WDR91: variants seen among roughly 807,000 people sequenced by gnomAD.
The protein encoded by WDR91 is WD repeat-containing protein 91.
Under a neutral mutation model 88.4 loss-of-function variants are expected in WDR91, and 52 were observed. The ratio of observed to expected loss-of-function variants is 0.59; its 90% CI spans 0.47 to 0.74. WDR91 has a LOEUF of 0.74. WDR91 is among the 30% of genes least tolerant of loss of function. The pLI is 0.00. For missense variants in WDR91, 824 were observed against 954.5 expected, an observed-to-expected ratio of 0.86 and a Z score of 1.80; for synonymous variants, 362 against 389.5, an observed-to-expected ratio of 0.93 and a Z score of 0.83.
chr7:135,186,013 A>T lies in WDR91; in HGVS notation c.*138T>A. 4 of 1,009,104 alleles carry T rather than the reference A, an allele frequency of 4.0e-6. No homozygotes were observed. The highest frequency in any genetic ancestry group is 5.5e-6 in the Non-Finnish European group (4 of 727,208). The allele number at this position is 1,009,104 out of a possible 1,614,324, so 62.5% of individuals were successfully genotyped here. ...CAGTCACCACAGATGGAAGCACCTGAGCCTCCTTGCCAGTCTTTCCCTGCA... is the reference window on the plus strand; with the variant it reads ...CAGTCACCACAGATGGAAGCACCTGTGCCTCCTTGCCAGTCTTTCCCTGCA... On this transcript the variant is annotated 3_prime_UTR_variant, in exon 15 of 15. Coordinates refer to ENST00000354475, the MANE Select transcript of WDR91 (RefSeq NM_014149.4).
At position 135,209,094 on chromosome 7, in the gene WDR91, A is replaced by C; in HGVS notation, c.304-96T>G. 4 of 1,038,194 alleles carry C rather than the reference A, an allele frequency of 3.9e-6. No individual in the cohort carries two copies. The South Asian group carries it at 7.2e-5, about 19-fold the overall frequency. The allele number at this position is 1,038,194 out of a possible 1,614,324, so 64.3% of individuals were successfully genotyped here. ...GCACAGCAGACAACCTTTGACTATC[A>C]GCCTGCCAGGTAAGTGGCAAAATAA... On this transcript the variant is annotated intron_variant, in intron 2 of 14. Transcript: ENST00000354475.
At position 135,195,164 on chromosome 7, in the gene WDR91, T is replaced by G. The variant is rs1363255687; in HGVS notation, c.1245-80A>C. On this transcript the variant is annotated intron_variant, in intron 8 of 14. Transcript: ENST00000354475. ...TCTGCTAATGCCAAGATGATCACTT[T>G]CCTGACTTCCTTACTGTTTTAAAAA... 8.9e-6 allele frequency: 13 copies of G among 1,458,530 alleles called. No individual in the cohort carries two copies. The East Asian group carries it at 2.6e-4, about 30-fold the overall frequency. 90.3% of individuals were successfully genotyped at this position (1,458,530 alleles called of 1,614,324 possible).
At chr7:135,211,276 C>T in intron 1 of WDR91, 104 bp downstream of exon 1, 1 of 1,453,400 alleles carries the variant, frequency 6.9e-7, no homozygotes, top group Non-Finnish European at 9.0e-7. Flanking sequence ...CGCCCCGGCG[C>T]GAGTGACAGC....
intron 12 of WDR91, 49 bp downstream of exon 12, chr7:135,189,295 C>T: frequency 6.4e-7 from 1 of 1,554,886 alleles, no homozygotes; most frequent in Non-Finnish European, 8.8e-7. Context: ...AAAAAAATTG[C>T]CTGGGAAATC....
intron 3 of WDR91, among the ~76,000 whole-genome samples, chr7:135,207,722 GAAC>G (rs1363425153): frequency 6.6e-6 from 1 of 152,240 alleles, no homozygotes; most frequent in Admixed American, 6.5e-5. Context: ...GCCACCCCAA[GAAC>G]AACGACAGTC....
chr7:135,204,344 C>T lies in WDR91; in HGVS notation c.815G>A (p.Ser272Asn). ...CTGAGCAGGCGACAACCTTGAGGGG[C>T]TCTTCTTACTCTGAGGCAGCAGCGA... ...LSSLLPQSKKSPSRLSPAQGP... is the reference protein window; with the variant it reads ...LSSLLPQSKKNPSRLSPAQGP... Residue 272 changes from serine to asparagine, a missense_variant, in exon 6 of 15, where the codon AGC becomes AAC. By Grantham distance (46) the Ser-to-Asn change is conservative. Coordinates refer to ENST00000354475, the MANE Select transcript of WDR91 (RefSeq NM_014149.4). 6.2e-7 allele frequency: 1 copy of T among 1,614,176 alleles called. No homozygotes were observed. The highest frequency in any genetic ancestry group is 2.2e-5 in the East Asian group (1 of 44,882).
chr7:135,204,029 A>G (rs1026818028), intron 6 of WDR91, among the ~76,000 whole-genome samples: 3 of 152,202 alleles, frequency 2.0e-5, no homozygotes, highest in Non-Finnish European at 4.4e-5. Flanking sequence ...CCTCCTCTCA[A>G]ATCGTCTGCT....
intron 1 of WDR91, among the ~76,000 whole-genome samples, chr7:135,210,582 C>T (rs117370979): frequency 0.074 from 11,315 of 152,238 alleles, 524 homozygotes; most frequent in Middle Eastern, 0.21. Context: ...GGAGCAATTA[C>T]AGCAGAGTAC....
In WDR91 at chr7:135,193,566, G is replaced by A. The variant is rs202190319; in HGVS notation, c.1490+12C>T. 6.2e-7 allele frequency: 1 copy of A among 1,614,020 alleles called. No individual in the cohort carries two copies. The highest frequency in any genetic ancestry group is 2.2e-5 in the East Asian group (1 of 44,880). On this transcript the variant is annotated intron_variant, in intron 10 of 14. Coordinates refer to ENST00000354475, the MANE Select transcript of WDR91 (RefSeq NM_014149.4). Reference sequence around the variant, plus strand: ...CTGCGGCCTTGATGGTGGGGGGTAGGTTCCAGTTCACCTGGGCATGTTGTC... The same window carrying A: ...CTGCGGCCTTGATGGTGGGGGGTAGATTCCAGTTCACCTGGGCATGTTGTC...
intron 1 of WDR91, chr7:135,210,685 C>T (rs1831982274): frequency 1.5e-6 from 1 of 680,042 alleles, no homozygotes; most frequent in African/African-American, 1.8e-5. Context: ...AAATGATTTG[C>T]TTTTGCCACT....
At chr7:135,207,847 T>C (rs1379488974) in intron 3 of WDR91, among the ~76,000 whole-genome samples, 1 of 152,222 alleles carries the variant, frequency 6.6e-6, no homozygotes, top group African/African-American at 2.4e-5. Flanking sequence ...CATATGTGTG[T>C]AAGCTAGTTT....
Position 135,209,613 on chromosome 7 carries a change from G to C in WDR91, c.266C>G (p.Thr89Ser), listed in dbSNP as rs1562959658. The C allele has an allele frequency of 6.2e-7, 1 of 1,610,332 alleles. No individual in the cohort carries two copies. Among genetic ancestry groups the C allele is most frequent in the Non-Finnish European group, 8.5e-7 (1 of 1,178,084 alleles). ...GACAAGATAAAATCGAAACAGGCTG[G>C]TTTTCAGCTTGTGGATTGTGGGTCT... ...IYRPTIHKLKTSLFRFYLVYT... is the reference protein window; with the variant it reads ...IYRPTIHKLKSSLFRFYLVYT... Residue 89 changes from threonine (T) to serine (S), a missense_variant, in exon 2 of 15, where the codon ACC (threonine) becomes AGC (serine). Thr to Ser is a moderately conservative substitution (Grantham distance 58). Transcript: ENST00000354475.
intron 11 of WDR91, among the ~76,000 whole-genome samples, chr7:135,192,466 T>C (rs1450772513): frequency 1.3e-5 from 2 of 151,952 alleles, no homozygotes; most frequent in African/African-American, 4.8e-5. Context: ...TGAGGAAAAT[T>C]ATGAGGGGAG....
Position 135,197,792 on chromosome 7 carries a change from T to C in WDR91, c.1050+201A>G, listed in dbSNP as rs1831425593. Reference sequence around the variant, plus strand: ...ATTTTCTGGCCCCTACTTAGGGAAATGCTGCATGGGAGAAATGGACCACAG... The same window carrying C: ...ATTTTCTGGCCCCTACTTAGGGAAACGCTGCATGGGAGAAATGGACCACAG... On this transcript the variant is annotated intron_variant, in intron 7 of 14. Transcript: ENST00000354475. 6.8e-6 allele frequency: 4 copies of C among 591,812 alleles called. No homozygotes were observed. In the South Asian group the frequency reaches 1.1e-4, roughly 16 times the overall value. The allele number at this position is 591,812 out of a possible 1,614,324, so 36.7% of individuals were successfully genotyped here.
rs1296143326 is a variant in WDR91 at position 135,206,069 on chromosome 7, G to A, written c.595-11C>T. 4 of 1,614,116 alleles carry A rather than the reference G, an allele frequency of 2.5e-6. No individual in the cohort carries two copies. Among genetic ancestry groups the A allele is most frequent in the Middle Eastern group, 1.7e-4 (1 of 6,050 alleles). ...TTGCAATGCAAAAAGCTATACAGGGGTGGGACTGAGTTAGCCAATGATCTC... is the reference window on the plus strand; with the variant it reads ...TTGCAATGCAAAAAGCTATACAGGGATGGGACTGAGTTAGCCAATGATCTC... On this transcript the variant is annotated splice_polypyrimidine_tract_variant and intron_variant, in intron 4 of 14. Coordinates refer to ENST00000354475, the MANE Select transcript of WDR91 (RefSeq NM_014149.4).
chr7:135,211,370 G>A lies in WDR91; in HGVS notation c.123+10C>T. ...CGCCTCTGCCCGCGCCGCTCCCGCC[G>A]GCCTCTCACCCGGAACCCCTTCTCC... On this transcript the variant is annotated intron_variant, in intron 1 of 14. Coordinates refer to ENST00000354475, the MANE Select transcript of WDR91 (RefSeq NM_014149.4). 1 of 1,604,456 alleles carries A rather than the reference G, an allele frequency of 6.2e-7. No individual in the cohort carries two copies. Among genetic ancestry groups the A allele is most frequent in the Non-Finnish European group, 8.5e-7 (1 of 1,175,990 alleles).
rs757091754 is a variant in WDR91 at position 135,186,288 on chromosome 7, T to A, written c.2107A>T (p.Ser703Cys). Reference sequence around the variant, plus strand: ...CGGTGGCCACCTAGGCTCAAGCAGCTCTCCAGAACCTTCTCATCGCCACCC... The same window carrying A: ...CGGTGGCCACCTAGGCTCAAGCAGCACTCCAGAACCTTCTCATCGCCACCC... ...KLGGDEKVLE[S>C]CLSLGGHRAP... Residue 703 changes from serine to cysteine, a missense_variant, in exon 15 of 15, where the codon AGC becomes TGC. By Grantham distance (112) the Ser-to-Cys change is moderately radical. Coordinates refer to ENST00000354475, the MANE Select transcript of WDR91 (RefSeq NM_014149.4). The A allele has an allele frequency of 9.3e-6, 15 of 1,611,744 alleles. No individual in the cohort carries two copies. The highest frequency in any genetic ancestry group is 1.6e-4 in the Middle Eastern group (1 of 6,070).
Position 135,207,122 on chromosome 7 carries a change from T to G in WDR91, c.592A>C (p.Lys198Gln). ...VQEENEVLRQ[K>Q]LFALQAEIHR... ...GAGCAAGCCTGTTCAGAACAAACCT[T>G]CTGACGCAGAACTTCATTTTCTTCT... The change falls in exon 4 of 15, where the codon AAG becomes CAG. Residue 198 changes from lysine (K) to glutamine (Q), a missense_variant and splice_region_variant. By Grantham distance (53) the Lys-to-Gln change is moderately conservative. Coordinates refer to ENST00000354475, the MANE Select transcript of WDR91 (RefSeq NM_014149.4). The G allele has an allele frequency of 1.2e-6, 2 of 1,603,706 alleles. No homozygotes were observed. The highest frequency in any genetic ancestry group is 1.7e-6 in the Non-Finnish European group (2 of 1,172,792).
rs1018981427 is a variant in WDR91, at chr7:135,185,817, G to T, written c.*334C>A. 2 of 231,116 alleles carry T rather than the reference G, an allele frequency of 8.7e-6. No homozygotes were observed. The highest frequency in any genetic ancestry group is 1.7e-5 in the Non-Finnish European group (2 of 120,290). The allele number at this position is 231,116 out of a possible 1,614,324, so 14.3% of individuals were successfully genotyped here. A position where few individuals can be genotyped will look rare whatever the true frequency, so the allele number is the denominator to read the frequency against. On this transcript the variant is annotated 3_prime_UTR_variant, in exon 15 of 15. Coordinates refer to ENST00000354475, the MANE Select transcript of WDR91 (RefSeq NM_014149.4). ...TTTTTTAAAAAAGAAAAAGATAAAT[G>T]GGCACATATATACAAAATACTGTCA...
Sources: allele counts gnomAD v4.1 joint callset (sites outside exome capture counted in the v4.1 genomes callset), GRCh38; gene constraint gnomAD v4.1.1; transcripts MANE v1.5; gene names NCBI Gene and HGNC (gene_info 2026-07-23, HGNC 2026-07-21).